FOXO3: variants seen among roughly 807,000 people sequenced by gnomAD.
FOXO3 encodes the protein forkhead box O3.
FOXO3 carries 4 observed loss-of-function variants against 41.9 expected under a neutral mutation model. The ratio of observed to expected loss-of-function variants is 0.10; its 90% confidence interval spans 0.05 to 0.22. The LOEUF (loss-of-function observed/expected upper bound fraction) is 0.22. FOXO3 is among the 10% of genes least tolerant of loss of function. FOXO3 has a pLI of 1.00. For missense variants in FOXO3, 534 were observed against 906.8 expected, an observed-to-expected ratio of 0.59 and a Z score of 5.28; for synonymous variants, 318 against 389.3, an observed-to-expected ratio of 0.82 and a Z score of 2.16.
rs1334435317 is a variant in FOXO3 at position 108,560,919 on chromosome 6, T to C, written c.-290T>C. 1 of 1,231,764 alleles carries C rather than the reference T, an allele frequency of 8.1e-7. No individual in the cohort carries two copies. The highest frequency in any genetic ancestry group is 1.6e-5 in the African/African-American group (1 of 62,910). The allele number at this position is 1,231,764 out of a possible 1,614,324, so 76.3% of individuals were successfully genotyped here. ...CCATCGCGGCCTGGCCGGGGGGCGG[T>C]GTCTGCTGCGCCAGGTTCGCTGGCC... On this transcript the variant is annotated 5_prime_UTR_variant, in exon 1 of 3. Coordinates refer to ENST00000406360, the MANE Select transcript of FOXO3 (RefSeq NM_001455.4).
At chr6:108,669,413 C>T (rs1023632886) in intron 2 of FOXO3, among the ~76,000 whole-genome samples, 5 of 152,156 alleles carry the variant, frequency 3.3e-5, no homozygotes, top group Admixed American at 6.5e-5. Context: ...TAGACTGTAT[C>T]GTGTTTTTTA....
chr6:108,592,736 C>T (rs533132436), intron 1 of FOXO3, among the ~76,000 whole-genome samples: 1 of 152,230 alleles, frequency 6.6e-6, no homozygotes, highest in African/African-American at 2.4e-5. Flanking sequence ...AATAAAGTGT[C>T]ATGAATTTTG....
intron 1 of FOXO3, among the ~76,000 whole-genome samples, chr6:108,636,039 C>A (rs1778112727): frequency 6.6e-6 from 1 of 152,222 alleles, no homozygotes; most frequent in Non-Finnish European, 1.5e-5. Context: ...AAGCTTGTCA[C>A]TCCTCAGCTA....
intron 1 of FOXO3, among the ~76,000 whole-genome samples, chr6:108,601,974 G>A (rs1777067085): frequency 6.6e-6 from 1 of 152,170 alleles, no homozygotes; most frequent in African/African-American, 2.4e-5. Context: ...AGGTTTTTAT[G>A]TGAACGTAAA....
rs376936217 is a variant in FOXO3 at position 108,571,497 on chromosome 6, A to G, written c.621+9668A>G. 8.5e-5 allele frequency among the ~76,000 whole-genome samples: 13 copies of G among 152,350 alleles called. No homozygotes were observed. In the East Asian group the frequency reaches 1.4e-3, roughly 16 times the overall value. On this transcript the variant is annotated intron_variant, in intron 1 of 2. Coordinates refer to ENST00000406360, the MANE Select transcript of FOXO3 (RefSeq NM_001455.4). Reference sequence around the variant, plus strand: ...ATTAGTTAAATTAAAGTGAAGTCATATCGGCTTAGGGTGGGTCCTAAATCC... The same window carrying G: ...ATTAGTTAAATTAAAGTGAAGTCATGTCGGCTTAGGGTGGGTCCTAAATCC...
At chr6:108,669,310 G>A (rs1487888719) in intron 2 of FOXO3, among the ~76,000 whole-genome samples, 2 of 152,136 alleles carry the variant, frequency 1.3e-5, no homozygotes, top group Non-Finnish European at 2.9e-5. Flanking sequence ...AATCTTTGAT[G>A]CTTGTTTGAC....
At chr6:108,579,453 T>C (rs1014153229) in intron 1 of FOXO3, among the ~76,000 whole-genome samples, 6 of 152,294 alleles carry the variant, frequency 3.9e-5, no homozygotes, top group South Asian at 2.1e-4. Flanking sequence ...GTCCAAAATA[T>C]TGTGCTGTTA....
chr6:108,563,239 A>G (rs1377576248), intron 1 of FOXO3, among the ~76,000 whole-genome samples: 1 of 152,242 alleles, frequency 6.6e-6, no homozygotes, highest in Non-Finnish European at 1.5e-5. Context: ...AATACGGCTT[A>G]TATCAGAGAG....
At chr6:108,663,396 T>A in intron 1 of FOXO3, 59 bp from the exon 2 acceptor site, 1 of 1,525,108 alleles carries the variant, frequency 6.6e-7, no homozygotes, top group Non-Finnish European at 8.8e-7. Flanking sequence ...CTATATCATC[T>A]GGGTGCTCGG....
intron 1 of FOXO3, among the ~76,000 whole-genome samples, chr6:108,632,647 A>G (rs1347317709): frequency 6.6e-6 from 1 of 152,142 alleles, no homozygotes; most frequent in South Asian, 2.1e-4. Context: ...AGCACATGGT[A>G]ATAGAGAAAG....
At chr6:108,627,229 C>T (rs1777835891) in intron 1 of FOXO3, among the ~76,000 whole-genome samples, 1 of 152,144 alleles carries the variant, frequency 6.6e-6, no homozygotes, top group Admixed American at 6.5e-5. Context: ...CTGGTCAGGG[C>T]TTTCTTGGGG....
chr6:108,593,362 A>AT (rs1776782489), intron 1 of FOXO3, among the ~76,000 whole-genome samples: 1 of 151,740 alleles, frequency 6.6e-6, no homozygotes. Context: ...GTAAATATTA[A>AT]TTTTTTCCTT....
chr6:108,653,158 C>T (rs1056867057), intron 1 of FOXO3, among the ~76,000 whole-genome samples: 1 of 152,220 alleles, frequency 6.6e-6, no homozygotes, highest in Non-Finnish European at 1.5e-5. Context: ...AGCTTACTTC[C>T]ATCTTCACTC....
chr6:108,651,597 A>G (rs1282477421), intron 1 of FOXO3, among the ~76,000 whole-genome samples: 1 of 152,212 alleles, frequency 6.6e-6, no homozygotes, highest in Non-Finnish European at 1.5e-5. Flanking sequence ...TAAAGCCAGT[A>G]AATTTCATGT....
At chr6:108,586,781 A>G (rs1776589921) in intron 1 of FOXO3, among the ~76,000 whole-genome samples, 1 of 152,030 alleles carries the variant, frequency 6.6e-6, no homozygotes, top group Non-Finnish European at 1.5e-5. Context: ...TTGGTCCCCA[A>G]CAGCAGTGTA....
chr6:108,632,022 C>T (rs970882308), intron 1 of FOXO3, among the ~76,000 whole-genome samples: 2 of 152,096 alleles, frequency 1.3e-5, no homozygotes, highest in Admixed American at 6.6e-5. Flanking sequence ...GTTCCTCTAT[C>T]GCCTGAATTT....
At chr6:108,585,445 G>A (rs1776556362) in intron 1 of FOXO3, among the ~76,000 whole-genome samples, 1 of 152,210 alleles carries the variant, frequency 6.6e-6, no homozygotes, top group Non-Finnish European at 1.5e-5. Flanking sequence ...AGATTTTGCT[G>A]AAAGCACCAA....
intron 1 of FOXO3, among the ~76,000 whole-genome samples, chr6:108,609,013 C>T (rs1373305463): frequency 1.3e-5 from 2 of 152,154 alleles, no homozygotes; most frequent in Non-Finnish European, 2.9e-5. Flanking sequence ...GGTTTGTGAG[C>T]TGGACCTCAA....
intron 1 of FOXO3, among the ~76,000 whole-genome samples, chr6:108,603,586 A>G (rs7775621): frequency 0.077 from 11,781 of 152,216 alleles, 624 homozygotes; most frequent in South Asian, 0.22. Context: ...GGCCTAGGAA[A>G]GAAAATACAG....
Sources: allele counts gnomAD v4.1 joint callset (sites outside exome capture counted in the v4.1 genomes callset), GRCh38; gene constraint gnomAD v4.1.1; transcripts MANE v1.5; gene names NCBI Gene and HGNC (gene_info 2026-07-23, HGNC 2026-07-21).